PRKCA: variants seen among roughly 807,000 people sequenced by gnomAD.
The protein encoded by PRKCA is protein kinase C alpha.
A neutral mutation model predicts 87.0 loss-of-function variants in PRKCA; 27 were observed. The ratio of observed to expected loss-of-function variants is 0.31; its 90% CI spans 0.23 to 0.43. PRKCA has a LOEUF of 0.43. PRKCA is among the 20% of genes least tolerant of loss of function. The pLI is 1.00. For missense variants in PRKCA, 518 were observed against 852.3 expected, an observed-to-expected ratio of 0.61 and a Z score of 4.88; for synonymous variants, 329 against 311.1, an observed-to-expected ratio of 1.06 and a Z score of -0.61.
chr17:66,320,376 AT>A (rs879343663), intron 2 of PRKCA, among the ~76,000 whole-genome samples: 16 of 142,786 alleles, frequency 1.1e-4, no homozygotes, highest in African/African-American at 1.9e-4. Context: ...CCAATACTCT[AT>A]TTTTTTTTTT....
intron 2 of PRKCA, among the ~76,000 whole-genome samples, chr17:66,401,241 A>T (rs1411836305): frequency 6.6e-6 from 1 of 152,216 alleles, no homozygotes; most frequent in African/African-American, 2.4e-5. Flanking sequence ...GCACTAAACC[A>T]GGTCAGCTTG....
rs188017489 is a variant in PRKCA, at chr17:66,536,360, A to G, written c.288+40077A>G. On this transcript the variant is annotated intron_variant, in intron 3 of 16. Transcript: ENST00000413366. Reference sequence around the variant, plus strand: ...TTGGGGATAGATCCTCCACTGATCAATCATTCAGAGAAAAGCCACAGAAAA... The same window carrying G: ...TTGGGGATAGATCCTCCACTGATCAGTCATTCAGAGAAAAGCCACAGAAAA... Among the ~76,000 whole-genome samples the G allele has an allele frequency of 2.7e-3, 410 of 152,328 alleles. 3 individuals carry two copies. Among genetic ancestry groups the G allele is most frequent in the Non-Finnish European group, 4.1e-3 (280 of 68,016 alleles).
chr17:66,786,814 G>A (rs917659613), intron 14 of PRKCA, 53 bp from the exon 15 acceptor site: 1 of 1,484,324 alleles, frequency 6.7e-7, no homozygotes, highest in African/African-American at 1.4e-5. Context: ...GGCACCATGT[G>A]AATGAATTAC....
At chr17:66,722,421 G>A (rs1426509262) in intron 8 of PRKCA, among the ~76,000 whole-genome samples, 1 of 152,178 alleles carries the variant, frequency 6.6e-6, no homozygotes, top group African/African-American at 2.4e-5. Context: ...AGCTGAATGT[G>A]GAGAGCTTCT....
chr17:66,304,718 G>A (rs1846023609), intron 1 of PRKCA, among the ~76,000 whole-genome samples: 1 of 152,202 alleles, frequency 6.6e-6, no homozygotes, highest in Non-Finnish European at 1.5e-5. Flanking sequence ...CTGCTCCCAA[G>A]TACACTTTTA....
intron 5 of PRKCA, among the ~76,000 whole-genome samples, chr17:66,647,128 C>A (rs1290236542): frequency 1.4e-4 from 4 of 28,790 alleles, no homozygotes; most frequent in Non-Finnish European, 2.7e-4. Context: ...GGCCATGAGA[C>A]CCCTCTGCAA....
chr17:66,581,155 A>G (rs1285718609), intron 3 of PRKCA, among the ~76,000 whole-genome samples: 1 of 152,226 alleles, frequency 6.6e-6, no homozygotes, highest in Non-Finnish European at 1.5e-5. Context: ...CACCAGAGAA[A>G]GAGTGATCCT....
chr17:66,788,990 A>G lies in PRKCA; in HGVS notation c.1854+11A>G, dbSNP rs370733803. The G allele has an allele frequency of 6.8e-6, 11 of 1,613,780 alleles. No individual in the cohort carries two copies. Among genetic ancestry groups the G allele is most frequent in the African/African-American group, 2.7e-5 (2 of 74,888 alleles). On this transcript the variant is annotated intron_variant, in intron 16 of 16. Coordinates refer to ENST00000413366, the MANE Select transcript of PRKCA (RefSeq NM_002737.3). ...TTCAAGCCCAAAGTGGTGAGTCCAG[A>G]AAAGCAGCCTGTTTTCGGAACCCCA...
At chr17:66,500,001 G>A (rs1916658155) in intron 3 of PRKCA, among the ~76,000 whole-genome samples, 1 of 152,170 alleles carries the variant, frequency 6.6e-6, no homozygotes, top group African/African-American at 2.4e-5. Flanking sequence ...TGTATTAAGA[G>A]GTGGGCCCTT....
intron 2 of PRKCA, among the ~76,000 whole-genome samples, chr17:66,328,730 G>A (rs532164284): frequency 2.6e-5 from 4 of 152,280 alleles, no homozygotes; most frequent in East Asian, 1.9e-4. Flanking sequence ...TCTGGGAGGC[G>A]GAGGTTGCAA....
intron 2 of PRKCA, among the ~76,000 whole-genome samples, chr17:66,484,840 A>T (rs1020790743): frequency 5.3e-5 from 8 of 152,174 alleles, no homozygotes; most frequent in African/African-American, 1.9e-4. Flanking sequence ...TTTCACTTGT[A>T]TAATTTTTTT....
chr17:66,681,271 T>C (rs907143965), intron 5 of PRKCA, among the ~76,000 whole-genome samples: 1 of 152,186 alleles, frequency 6.6e-6, no homozygotes, highest in African/African-American at 2.4e-5. Flanking sequence ...CTGAACGGAT[T>C]GCATTGATCT....
rs990744893 is a variant in PRKCA at position 66,388,746 on chromosome 17, A to T, written c.205+82619A>T. On this transcript the variant is annotated intron_variant, in intron 2 of 16. Coordinates refer to ENST00000413366, the MANE Select transcript of PRKCA (RefSeq NM_002737.3). The stretch of plus-strand genomic sequence containing the variant: ...CCTGGAGGTTTGTCTGCACATCTGC[A>T]CTGTGGGGCAGCTGCACCTTCCTAT... 3.3e-5 allele frequency among the ~76,000 whole-genome samples: 5 copies of T among 152,266 alleles called. No homozygotes were observed. The East Asian group carries it at 9.7e-4, about 29-fold the overall frequency.
rs370268539 is a variant in PRKCA at position 66,324,584 on chromosome 17, G to A, written c.205+18457G>A. Among the ~76,000 whole-genome samples, 46 of 152,144 alleles carry A rather than the reference G, an allele frequency of 3.0e-4. No individual in the cohort carries two copies. In the South Asian group the frequency reaches 9.1e-3, roughly 30 times the overall value. ...GCTGGGATTGTGCCACTGCACTCTC[G>A]CCTGGGCAACAGAGTGGGACTCTGT... On this transcript the variant is annotated intron_variant, in intron 2 of 16. Transcript: ENST00000413366.
chr17:66,383,044 G>T (rs1909856668), intron 2 of PRKCA, among the ~76,000 whole-genome samples: 1 of 152,078 alleles, frequency 6.6e-6, no homozygotes, highest in Admixed American at 6.6e-5. Flanking sequence ...TCTCTTCATT[G>T]AGCATTATAT....
intron 2 of PRKCA, among the ~76,000 whole-genome samples, chr17:66,432,174 T>G (rs1449486051): frequency 6.6e-6 from 1 of 152,162 alleles, no homozygotes; most frequent in Non-Finnish European, 1.5e-5. Context: ...GAGCCGATCT[T>G]GTTTAGGATC....
chr17:66,429,431 G>GTCTGTACCATTACAGC (rs1410207790), intron 2 of PRKCA, among the ~76,000 whole-genome samples: 1 of 152,140 alleles, frequency 6.6e-6, no homozygotes, highest in Non-Finnish European at 1.5e-5. Context: ...CAGAACCTCA[G>GTCTGTACCATTACAGC]TCTGTACCAT....
At chr17:66,605,374 T>C (rs958410212) in intron 3 of PRKCA, among the ~76,000 whole-genome samples, 4 of 152,320 alleles carry the variant, frequency 2.6e-5, no homozygotes, top group Admixed American at 6.5e-5. Flanking sequence ...ATACACCATA[T>C]GTCTCATAAA....
At chr17:66,769,735 T>C (rs1974890054) in intron 13 of PRKCA, among the ~76,000 whole-genome samples, 1 of 152,240 alleles carries the variant, frequency 6.6e-6, no homozygotes, top group Non-Finnish European at 1.5e-5. Context: ...CACATTTTCT[T>C]AGACTATTAT....
Sources: allele counts gnomAD v4.1 joint callset (sites outside exome capture counted in the v4.1 genomes callset), GRCh38; gene constraint gnomAD v4.1.1; transcripts MANE v1.5; gene names NCBI Gene and HGNC (gene_info 2026-07-23, HGNC 2026-07-21).